The following LRRC4C variants were observed in gnomAD, a reference collection of about 807,000 sequenced individuals.
LRRC4C encodes leucine rich repeat containing 4C, also known as leucine-rich repeat-containing protein 4C.
A neutral mutation model predicts 33.6 loss-of-function variants in LRRC4C; 5 were observed. The observed-to-expected ratio is 0.15, with a 90% CI of 0.08 to 0.31. The LOEUF (loss-of-function observed/expected upper bound fraction) is 0.31, where lower values mean the gene tolerates loss of function less well. LRRC4C is among the 10% of genes least tolerant of loss of function. The probability of loss-of-function intolerance (pLI) is 1.00; values close to 1 mark genes in which losing one functional copy is unlikely to be tolerated. For missense variants in LRRC4C, 560 were observed against 796.7 expected, an observed-to-expected ratio of 0.70 and a Z score of 3.58; for synonymous variants, 329 against 302.0, an observed-to-expected ratio of 1.09 and a Z score of -0.93.
At chr11:40,557,705 A>G (rs1054471177) in intron 3 of LRRC4C, among the ~76,000 whole-genome samples, 2 of 152,044 alleles carry the variant, frequency 1.3e-5, no homozygotes, top group African/African-American at 4.8e-5. Flanking sequence ...TGTGTGTAAA[A>G]TATAAATGTC....
At chr11:41,357,666 T>C (rs938154673) in intron 1 of LRRC4C, among the ~76,000 whole-genome samples, 6 of 152,066 alleles carry the variant, frequency 3.9e-5, no homozygotes, top group African/African-American at 1.4e-4. Context: ...CACAGATAAA[T>C]CGTGAACATT....
At chr11:41,207,265 T>A (rs1314717797) in intron 1 of LRRC4C, among the ~76,000 whole-genome samples, 1 of 152,188 alleles carries the variant, frequency 6.6e-6, no homozygotes, top group Non-Finnish European at 1.5e-5. Context: ...ATTTCCATGT[T>A]CTGGGGTAAT....
At chr11:40,878,256 C>T (rs73472682) in intron 2 of LRRC4C, among the ~76,000 whole-genome samples, 4,718 of 152,228 alleles carry the variant, frequency 0.031, 276 homozygotes, top group African/African-American at 0.1. Context: ...AACTCACCTG[C>T]CACAGTAAAG....
At position 40,696,039 on chromosome 11, in the gene LRRC4C, A is replaced by ATGTG. The variant is rs1210814141; in HGVS notation, c.-406-47762_-406-47761insCACA. 4.5e-3 allele frequency among the ~76,000 whole-genome samples: 582 copies of ATGTG among 128,466 alleles called. 6 individuals are homozygous for ATGTG. Among genetic ancestry groups the ATGTG allele is most frequent in the African/African-American group, 0.025 (558 of 22,384 alleles). The allele number at this position is 128,466 out of a possible 152,430, so 84.3% of individuals were successfully genotyped here. A position where few individuals can be genotyped will look rare whatever the true frequency, so the allele number is the denominator to read the frequency against. ...ATATGTGGTGTGTGTGTGTATATATATATGTGTGTGTGTGTGTGTGTATAT... is the reference window on the plus strand; with the variant it reads ...ATATGTGGTGTGTGTGTGTATATATATGTGTATGTGTGTGTGTGTGTGTGTATAT... On this transcript the variant is annotated intron_variant, in intron 2 of 6. Coordinates refer to ENST00000528697, the MANE Select transcript of LRRC4C (RefSeq NM_001258419.2).
chr11:40,319,605 G>C (rs1945742714), intron 4 of LRRC4C, 23 bp downstream of exon 4: 1 of 152,138 alleles, frequency 6.6e-6, no homozygotes, highest in African/African-American at 2.4e-5. Context: ...CTAAAGAATA[G>C]ATTAGTGGTA....
At chr11:40,365,643 A>G (rs1948176032) in intron 3 of LRRC4C, among the ~76,000 whole-genome samples, 1 of 152,048 alleles carries the variant, frequency 6.6e-6, no homozygotes, top group South Asian at 2.1e-4. Flanking sequence ...TTTAAACAAT[A>G]GTATGTTACA....
chr11:40,350,828 A>T (rs1477151856), intron 3 of LRRC4C, among the ~76,000 whole-genome samples: 1 of 151,776 alleles, frequency 6.6e-6, no homozygotes, highest in African/African-American at 2.4e-5. Context: ...TTAATTTTTA[A>T]GTATTTTCTT....
At chr11:41,428,074 G>C (rs563933691) in intron 1 of LRRC4C, among the ~76,000 whole-genome samples, 10 of 152,104 alleles carry the variant, frequency 6.6e-5, no homozygotes, top group Non-Finnish European at 1.5e-4. Context: ...AAACAGCCTT[G>C]CTGCTCACAC....
intron 1 of LRRC4C, among the ~76,000 whole-genome samples, chr11:41,457,309 T>C (rs1956200510): frequency 6.6e-6 from 1 of 152,142 alleles, no homozygotes; most frequent in Admixed American, 6.5e-5. Context: ...AGAACAGTCC[T>C]AACACTAAAT....
At chr11:40,317,809 C>A (rs920466575) in intron 4 of LRRC4C, among the ~76,000 whole-genome samples, 3 of 152,046 alleles carry the variant, frequency 2.0e-5, no homozygotes, top group Non-Finnish European at 4.4e-5. Flanking sequence ...CTAAAGTATT[C>A]CCATTCCATT....
At chr11:40,386,333 T>C (rs1326511097) in intron 3 of LRRC4C, among the ~76,000 whole-genome samples, 1 of 152,158 alleles carries the variant, frequency 6.6e-6, no homozygotes, top group South Asian at 2.1e-4. Context: ...ACCTTAAGAA[T>C]CAAACCAAAC....
intron 2 of LRRC4C, among the ~76,000 whole-genome samples, chr11:40,754,015 C>T (rs1355617481): frequency 6.6e-6 from 1 of 151,834 alleles, no homozygotes; most frequent in Non-Finnish European, 1.5e-5. Flanking sequence ...TATATATACA[C>T]ACACACATTC....
intron 3 of LRRC4C, among the ~76,000 whole-genome samples, chr11:40,536,255 G>A (rs892102798): frequency 3.3e-5 from 5 of 152,018 alleles, no homozygotes; most frequent in Non-Finnish European, 7.4e-5. Flanking sequence ...ATGCAGTGGT[G>A]TGATCTCAGC....
At chr11:40,670,912 C>T (rs983936679) in intron 2 of LRRC4C, among the ~76,000 whole-genome samples, 4 of 152,206 alleles carry the variant, frequency 2.6e-5, no homozygotes, top group East Asian at 3.9e-4. Context: ...TATAGGTGCC[C>T]GCCACCACGC....
intron 5 of LRRC4C, among the ~76,000 whole-genome samples, chr11:40,182,952 G>A (rs1372133744): frequency 6.6e-6 from 1 of 152,068 alleles, no homozygotes; most frequent in Non-Finnish European, 1.5e-5. Flanking sequence ...TAAAAAAATG[G>A]GGCATAGTGA....
intron 3 of LRRC4C, among the ~76,000 whole-genome samples, chr11:40,597,386 C>T (rs572846364): frequency 1.3e-5 from 2 of 152,076 alleles, no homozygotes; most frequent in Admixed American, 6.6e-5. Context: ...GTTACTTTTG[C>T]GTGCTACTCC....
intron 3 of LRRC4C, among the ~76,000 whole-genome samples, chr11:40,378,791 C>T (rs998048282): frequency 1.1e-4 from 17 of 152,030 alleles, no homozygotes; most frequent in Admixed American, 6.6e-4. Context: ...TATGCTTATA[C>T]TATAACTGTT....
chr11:40,621,424 T>A (rs151334305), intron 3 of LRRC4C, among the ~76,000 whole-genome samples: 1 of 151,910 alleles, frequency 6.6e-6, no homozygotes, highest in East Asian at 1.9e-4. Flanking sequence ...CTCCATGAAC[T>A]GGCATCTGCT....
At position 40,433,604 on chromosome 11, in the gene LRRC4C, C is replaced by A. The variant is rs560440014; in HGVS notation, c.-269-113883G>T. 3.3e-5 allele frequency among the ~76,000 whole-genome samples: 5 copies of A among 152,308 alleles called. 1 individual carries two copies. Among genetic ancestry groups the A allele is most frequent in the African/African-American group, 1.2e-4 (5 of 41,564 alleles). ...AGATGAATTCAGAGTGACAAGCTCCCTGACGAAGTTTTGCCTCTCAGCAGC... is the reference window on the plus strand; with the variant it reads ...AGATGAATTCAGAGTGACAAGCTCCATGACGAAGTTTTGCCTCTCAGCAGC... On this transcript the variant is annotated intron_variant, in intron 3 of 6. Coordinates refer to ENST00000528697, the MANE Select transcript of LRRC4C (RefSeq NM_001258419.2).
Sources: gnomAD v4.1 joint callset for allele counts (sites outside exome capture counted in the v4.1 genomes callset) on GRCh38, gnomAD v4.1.1 for gene constraint, MANE v1.5 for transcripts, NCBI Gene and HGNC (gene_info 2026-07-23, HGNC 2026-07-21) for gene names.